The following FLYWCH1 variants were observed in gnomAD, a reference collection of about 807,000 sequenced individuals.
The protein encoded by FLYWCH1 is FLYWCH-type zinc finger-containing protein 1.
In FLYWCH1, 75 loss-of-function variants were observed where a neutral mutation model predicts 66.4. The ratio of observed to expected loss-of-function variants is 1.13; its 90% CI spans 0.94 to 1.37. The LOEUF (loss-of-function observed/expected upper bound fraction) is 1.37. Among genes scored for constraint, FLYWCH1 ranks in the 40% most tolerant of loss-of-function variants. The pLI is 0.00. For synonymous variants in FLYWCH1, 595 were observed against 429.9 expected, an observed-to-expected ratio of 1.38 and a Z score of -4.75; for missense variants, 1,334 against 1,001.8, an observed-to-expected ratio of 1.33 and a Z score of -4.48.
chr16:2,926,856 C>T (rs1225451422), intron 2 of FLYWCH1, among the ~76,000 whole-genome samples: 4 of 152,174 alleles, frequency 2.6e-5, no homozygotes, highest in Non-Finnish European at 5.9e-5. Flanking sequence ...CAATGGCCAA[C>T]TCCTCCTCCC....
intron 2 of FLYWCH1, chr16:2,915,582 C>T (rs2070141012): frequency 6.6e-6 from 1 of 152,022 alleles, no homozygotes; most frequent in Admixed American, 6.6e-5. Context: ...AGTCATTGGT[C>T]CTAAAATCAT....
intron 9 of FLYWCH1, among the ~76,000 whole-genome samples, chr16:2,946,316 C>CTTTTTTTTT (rs58279573): frequency 7.9e-5 from 6 of 75,548 alleles, no homozygotes; most frequent in Admixed American, 1.8e-4. Context: ...GTGGGCTGTA[C>CTTTTTTTTT]TTTTTTTTTT....
At chr16:2,932,991 C>G in intron 4 of FLYWCH1, 139 bp from the exon 5 acceptor site, 1 of 729,760 alleles carries the variant, frequency 1.4e-6, no homozygotes, top group Non-Finnish European at 2.2e-6. Context: ...GGGCCTCTGA[C>G]ATATCTGGCT....
At chr16:2,940,164 T>C in intron 9 of FLYWCH1, 72 bp downstream of exon 9, 8 of 772,458 alleles carry the variant, frequency 1.0e-5, no homozygotes, top group Non-Finnish European at 4.6e-6. Flanking sequence ...ACAACAAATA[T>C]TTGCTGTCTC....
chr16:2,920,596 T>G (rs1022201747), intron 2 of FLYWCH1, among the ~76,000 whole-genome samples: 1 of 152,124 alleles, frequency 6.6e-6, no homozygotes, highest in Non-Finnish European at 1.5e-5. Flanking sequence ...GTTTTTGTTT[T>G]TTTGAGATGG....
At chr16:2,931,111 T>C (rs1202664959) in intron 4 of FLYWCH1, among the ~76,000 whole-genome samples, 2 of 151,500 alleles carry the variant, frequency 1.3e-5, no homozygotes, top group Non-Finnish European at 2.9e-5. Flanking sequence ...GAGATCAGCC[T>C]GATCAACTTG....
intron 2 of FLYWCH1, among the ~76,000 whole-genome samples, chr16:2,925,584 G>GGT (rs1555483238): frequency 7.1e-6 from 1 of 141,244 alleles, no homozygotes; most frequent in Non-Finnish European, 1.6e-5. Context: ...CGGGGGGAGG[G>GGT]GGGTACGGGG....
rs776798795 is a variant in FLYWCH1, at chr16:2,933,138, C to T, written c.805C>T (p.Arg269Trp). 22 of 1,612,714 alleles carry T rather than the reference C, an allele frequency of 1.4e-5. No individual in the cohort carries two copies. The highest frequency in any genetic ancestry group is 4.0e-5 in the African/African-American group (3 of 74,874). ...TTGGGTCTCTCCTCTAGGACAGGCC[C>T]GGCCCCTCGAGTTCCTGAGGACGTG... is the stretch of plus-strand genomic sequence containing the variant. Reference protein sequence around the residue: ...KRSILGLGQARPLEFLRTCYG... With the variant: ...KRSILGLGQAWPLEFLRTCYG... The change falls in exon 5 of 10, where the codon CGG becomes TGG. Residue 269 changes from arginine to tryptophan, a missense_variant. Transcript: ENST00000253928.
intron 8 of FLYWCH1, among the ~76,000 whole-genome samples, chr16:2,939,085 T>C (rs1042376803): frequency 7.9e-5 from 12 of 152,232 alleles, no homozygotes; most frequent in African/African-American, 2.9e-4. Context: ...AACCAATCTT[T>C]AGAAAGCATT....
chr16:2,946,895 G>A (rs1309139750), intron 9 of FLYWCH1, among the ~76,000 whole-genome samples: 3 of 152,082 alleles, frequency 2.0e-5, no homozygotes, highest in Non-Finnish European at 4.4e-5. Flanking sequence ...ATACTCTCTT[G>A]GCGACGATGC....
rs1274060738 is a variant in FLYWCH1, at chr16:2,930,890, A to T, written c.796+10A>T. ...TCGATCCTGGGGCTGGGTGAGTACA[A>T]TCCACTCCCCTGCTGCGTCCACTCG... On this transcript the variant is annotated intron_variant, in intron 4 of 9. Coordinates refer to ENST00000253928, the MANE Select transcript of FLYWCH1 (RefSeq NM_001308068.2). 6.3e-7 allele frequency: 1 copy of T among 1,575,580 alleles called. No individual in the cohort carries two copies. Among genetic ancestry groups the T allele is most frequent in the Non-Finnish European group, 8.6e-7 (1 of 1,166,226 alleles).
rs139613639 is a variant in FLYWCH1, at chr16:2,929,551, G to C, written c.-73-62G>C. On this transcript the variant is annotated intron_variant, in intron 2 of 9. Coordinates refer to ENST00000253928, the MANE Select transcript of FLYWCH1 (RefSeq NM_001308068.2). Reference sequence around the variant, plus strand: ...CCCCATCTGCCCCACCTCCCTCCCAGATCCACGTCTAGAGTCCCCCAAGGG... The same window carrying C: ...CCCCATCTGCCCCACCTCCCTCCCACATCCACGTCTAGAGTCCCCCAAGGG... 2.4e-3 allele frequency: 2,922 copies of C among 1,193,230 alleles called. 60 individuals carry two copies. In the Admixed American group the frequency reaches 0.045, roughly 18 times the overall value. The allele number at this position is 1,193,230 out of a possible 1,614,324, so 73.9% of individuals were successfully genotyped here.
intron 8 of FLYWCH1, chr16:2,939,828 C>T (rs991061967): frequency 1.3e-5 from 6 of 475,810 alleles, no homozygotes; most frequent in Admixed American, 4.0e-5. Flanking sequence ...TCCATGACAG[C>T]AGCTGAAGGT....
chr16:2,950,228 G>C lies in FLYWCH1; in HGVS notation c.*1501G>C, dbSNP rs1464896541. The stretch of plus-strand genomic sequence containing the variant: ...CCTATGGCAGAGGACACACAACACA[G>C]TGGCTGCGCTTTGGGCACTGTTCTC... On this transcript the variant is annotated 3_prime_UTR_variant, in exon 10 of 10. Coordinates refer to ENST00000253928, the MANE Select transcript of FLYWCH1 (RefSeq NM_001308068.2). 6.6e-6 allele frequency: 1 copy of C among 152,328 alleles called. No homozygotes were observed. Among genetic ancestry groups the C allele is most frequent in the Non-Finnish European group, 1.5e-5 (1 of 68,126 alleles). 9.4% of individuals were successfully genotyped at this position (152,328 alleles called of 1,614,324 possible). A position where few individuals can be genotyped will look rare whatever the true frequency, so the allele number is the denominator to read the frequency against.
At chr16:2,920,998 C>A (rs147842265) in intron 2 of FLYWCH1, among the ~76,000 whole-genome samples, 1 of 152,084 alleles carries the variant, frequency 6.6e-6, no homozygotes, top group African/African-American at 2.4e-5. Flanking sequence ...CCCGCCACCA[C>A]GCCCAGTTAA....
intron 2 of FLYWCH1, chr16:2,928,958 G>T (rs944847500): frequency 1.3e-5 from 2 of 152,368 alleles, no homozygotes; most frequent in African/African-American, 2.4e-5. Flanking sequence ...CTGAAGTGGG[G>T]GTGGCCTGGG....
At position 2,922,346 on chromosome 16, in the gene FLYWCH1, C is replaced by G. The variant is rs528678025; in HGVS notation, c.-73-7267C>G. ...CTTGGTCTTTGTGAGCAGCTGCTCTCCCTGAGCCTCGATGTTGAAGTGTCC... is the reference window on the plus strand; with the variant it reads ...CTTGGTCTTTGTGAGCAGCTGCTCTGCCTGAGCCTCGATGTTGAAGTGTCC... On this transcript the variant is annotated intron_variant, in intron 2 of 9. Transcript: ENST00000253928. 9.1e-5 allele frequency: 15 copies of G among 165,144 alleles called. No homozygotes were observed. The South Asian group carries it at 2.5e-3, about 27-fold the overall frequency. The allele number at this position is 165,144 out of a possible 1,614,324, so 10.2% of individuals were successfully genotyped here. A position where few individuals can be genotyped will look rare whatever the true frequency, so the allele number is the denominator to read the frequency against.
chr16:2,931,371 C>G (rs1260099807), intron 4 of FLYWCH1, among the ~76,000 whole-genome samples: 2 of 150,574 alleles, frequency 1.3e-5, no homozygotes, highest in African/African-American at 2.4e-5. Flanking sequence ...TGCCTATAAT[C>G]CTAGCACTTT....
Position 2,948,944 on chromosome 16 carries a change from G to A in FLYWCH1, c.*217G>A, listed in dbSNP as rs1223051165. The stretch of plus-strand genomic sequence containing the variant: ...ACAGTGCTCAGAGCTGGCGCTTGCA[G>A]ACGCAGCTGTCGTGGGGCAGGGCGG... On this transcript the variant is annotated 3_prime_UTR_variant, in exon 10 of 10. Transcript: ENST00000253928. 3 of 552,604 alleles carry A rather than the reference G, an allele frequency of 5.4e-6. No homozygotes were observed. The highest frequency in any genetic ancestry group is 3.2e-5 in the Admixed American group (1 of 31,504). The allele number at this position is 552,604 out of a possible 1,614,324, so 34.2% of individuals were successfully genotyped here. A position where few individuals can be genotyped will look rare whatever the true frequency, so the allele number is the denominator to read the frequency against.
Sources: gnomAD v4.1 joint callset for allele counts (sites outside exome capture counted in the v4.1 genomes callset) on GRCh38, gnomAD v4.1.1 for gene constraint, MANE v1.5 for transcripts, NCBI Gene and HGNC (gene_info 2026-07-23, HGNC 2026-07-21) for gene names.